Variants in ITGB4 observed in about 807,000 individuals in gnomAD.
ITGB4 encodes integrin subunit beta 4.
A neutral mutation model predicts 207.6 loss-of-function variants in ITGB4; 159 were observed. That is an observed-to-expected ratio of 0.77 (90% CI 0.67 to 0.87). The LOEUF is 0.87. ITGB4 is among the 40% of genes least tolerant of loss of function. The pLI is 0.00. For missense variants in ITGB4, 2,278 were observed against 2,546.8 expected (o/e 0.89, Z 2.27); for synonymous variants, 1,020 against 1,062.7 (o/e 0.96, Z 0.78).
chr17:75,741,351 C>T (rs12450609), intron 23 of ITGB4, among the ~76,000 whole-genome samples: 11,055 of 152,162 alleles, frequency 0.073, 854 homozygotes, highest in East Asian at 0.32. Context: ...GGGTGCACCT[C>T]TGGGGACCAG....
chr17:75,729,877 C>T lies in ITGB4; in HGVS notation c.739-364C>T, dbSNP rs371916563. ...CAAAGAGCTAGCCAAGGCGTGGTGGCTCACACCTGTAATCCCAGCACTTTG... is the reference window on the plus strand; with the variant it reads ...CAAAGAGCTAGCCAAGGCGTGGTGGTTCACACCTGTAATCCCAGCACTTTG... On this transcript the variant is annotated intron_variant, in intron 7 of 39. Transcript: ENST00000200181. This position sits in a 1 kb window ranked among gnomAD's most constrained non-coding sequence, Gnocchi z 4.4. 1.8e-4 allele frequency among the ~76,000 whole-genome samples: 28 copies of T among 152,334 alleles called. No homozygotes were observed. Among genetic ancestry groups the T allele is most frequent in the African/African-American group, 6.7e-4 (28 of 41,568 alleles).
chr17:75,740,170 G>A lies in ITGB4; in HGVS notation c.2446+99G>A. 4 of 1,361,200 alleles carry A rather than the reference G, an allele frequency of 2.9e-6. No homozygotes were observed. The highest frequency in any genetic ancestry group is 3.0e-6 in the Non-Finnish European group (3 of 993,914). 84.3% of individuals were successfully genotyped at this position (1,361,200 alleles called of 1,614,324 possible). ...CATGCCTCTTCTCTGGGTGTGGGGT[G>A]CAGGCACAGGGCTCAGCCACCTTTT... On this transcript the variant is annotated intron_variant, in intron 20 of 39. Transcript: ENST00000200181. The surrounding 1 kb of genome is among the most constrained non-coding windows in gnomAD (Gnocchi z 5.9).
At position 75,753,729 on chromosome 17, in the gene ITGB4, C is replaced by A. The variant is rs753409245; in HGVS notation, c.4109-36C>A. The A allele has an allele frequency of 9.6e-6, 13 of 1,350,238 alleles. No homozygotes were observed. In the African/African-American group the frequency reaches 1.3e-4, roughly 14 times the overall value. 83.6% of individuals were successfully genotyped at this position (1,350,238 alleles called of 1,614,324 possible). On this transcript the variant is annotated intron_variant, in intron 32 of 39. Coordinates refer to ENST00000200181, the MANE Select transcript of ITGB4 (RefSeq NM_000213.5). ...CTGGCCCTGCTCGGCCCGGCGCCCC[C>A]CGGCGGTGCCAACGCGGCCCTTCGT...
Position 75,731,920 on chromosome 17 carries a change from G to GAC in ITGB4, c.1325_1326dup (p.Gly443ThrfsTer56). 1 of 1,614,042 alleles carries GAC rather than the reference G, an allele frequency of 6.2e-7. No homozygotes were observed. Among genetic ancestry groups the GAC allele is most frequent in the Non-Finnish European group, 8.5e-7 (1 of 1,180,022 alleles). On this transcript the variant is annotated frameshift_variant, in exon 11 of 40. Coordinates refer to ENST00000200181, the MANE Select transcript of ITGB4 (RefSeq NM_000213.5). LOFTEE classifies it high-confidence loss of function. This position sits in a 1 kb window ranked among gnomAD's most constrained non-coding sequence, Gnocchi z 6.8. ...CATCCATCTGAAACCTTCCTTCTCC[G>GAC]ACGGCCTCAAGATGGACGCGGGCAT...
Position 75,751,084 on chromosome 17 carries a change from T to G in ITGB4, c.3766T>G (p.Cys1256Gly). The change falls in exon 30 of 40, where the codon TGC becomes GGC. Residue 1256 changes from cysteine to glycine, a missense_variant. By Grantham distance (159) the Cys-to-Gly change is radical (BLOSUM62 -3). Coordinates refer to ENST00000200181, the MANE Select transcript of ITGB4 (RefSeq NM_000213.5). ...TNGEITAYEV[C>G]YGLVNDDNRP... ...CGGTGAGATCACAGCCTACGAGGTC[T>G]GCTATGGCCTGGTCAACGATGACAA... is the stretch of plus-strand genomic sequence containing the variant. 6.2e-7 allele frequency: 1 copy of G among 1,613,866 alleles called. No individual in the cohort carries two copies. The highest frequency in any genetic ancestry group is 8.5e-7 in the Non-Finnish European group (1 of 1,180,036).
In ITGB4 at chr17:75,750,223, C is replaced by A; in HGVS notation, c.3429C>A (p.Ile1143=). ...PNAKAAGSRK[I]HFNWLPPSGK... The stretch of plus-strand genomic sequence containing the variant: ...CTAAGGCCGCTGGGTCCAGGAAGAT[C>A]CATTTCAACTGGCTGCCCCCTTCTG... Residue 1143 remains isoleucine (I), a synonymous_variant, in exon 28 of 40, where the codon ATC becomes ATA. Transcript: ENST00000200181. This position sits in a 1 kb window ranked among gnomAD's most constrained non-coding sequence, Gnocchi z 5.5. 6.2e-7 allele frequency: 1 copy of A among 1,613,780 alleles called. No individual in the cohort carries two copies. Among genetic ancestry groups the A allele is most frequent in the Non-Finnish European group, 8.5e-7 (1 of 1,179,998 alleles).
intron 38 of ITGB4, 44 bp downstream of exon 38, chr17:75,757,151 G>A (rs370027606): frequency 8.8e-4 from 1,411 of 1,612,390 alleles, no homozygotes; most frequent in Non-Finnish European, 1.1e-3. Context: ...TCCTCGGGCC[G>A]TGCCTCCTTC....
chr17:75,755,142 T>A (rs1555744693), intron 34 of ITGB4: 1 of 1,610,818 alleles, frequency 6.2e-7, no homozygotes, highest in Non-Finnish European at 8.5e-7. Context: ...ATGAAAGGGT[T>A]CCCCCCTTCC....
Position 75,742,556 on chromosome 17 carries a change from C to G in ITGB4, c.2783-26C>G, listed in dbSNP as rs752485995. 6.2e-7 allele frequency: 1 copy of G among 1,613,712 alleles called. No homozygotes were observed. The highest frequency in any genetic ancestry group is 8.5e-7 in the Non-Finnish European group (1 of 1,179,962). The stretch of plus-strand genomic sequence containing the variant: ...GCCTGTGTGGCCCTGTGACCCACCT[C>G]TGACCACCTCCGAACCCCCACCCAG... On this transcript the variant is annotated intron_variant, in intron 24 of 39. Coordinates refer to ENST00000200181, the MANE Select transcript of ITGB4 (RefSeq NM_000213.5). The surrounding 1 kb of genome is among the most constrained non-coding windows in gnomAD (Gnocchi z 5.9).
Position 75,740,556 on chromosome 17 carries a change from C to G in ITGB4, c.2550+95C>G. On this transcript the variant is annotated intron_variant, in intron 21 of 39. Coordinates refer to ENST00000200181, the MANE Select transcript of ITGB4 (RefSeq NM_000213.5). This position sits in a 1 kb window ranked among gnomAD's most constrained non-coding sequence, Gnocchi z 5.9. ...CGAATGCGGTCGTGGTACCGAGATTCATTAACTAGGGGAGAGGGGTCTCTC... is the reference window on the plus strand; with the variant it reads ...CGAATGCGGTCGTGGTACCGAGATTGATTAACTAGGGGAGAGGGGTCTCTC... 3 of 1,111,638 alleles carry G rather than the reference C, an allele frequency of 2.7e-6. No individual in the cohort carries two copies. The highest frequency in any genetic ancestry group is 4.1e-6 in the Non-Finnish European group (3 of 739,572). 68.9% of individuals were successfully genotyped at this position (1,111,638 alleles called of 1,614,324 possible).
rs1182445087 is a variant in ITGB4 at position 75,742,365 on chromosome 17, A to T, written c.2658A>T (p.Thr886=). The change falls in exon 24 of 40, where the codon ACA becomes ACT. Residue 886 remains threonine, a synonymous_variant. Transcript: ENST00000200181. This position sits in a 1 kb window ranked among gnomAD's most constrained non-coding sequence, Gnocchi z 5.9. ...GKKQDHTIVD[T]VLMAPRSAKP... ...GGCAAGACCACACCATTGTGGACACAGTGCTGATGGCGCCCCGCTCGGCCA... is the reference window on the plus strand; with the variant it reads ...GGCAAGACCACACCATTGTGGACACTGTGCTGATGGCGCCCCGCTCGGCCA... 2 of 1,613,322 alleles carry T rather than the reference A, an allele frequency of 1.2e-6. No individual in the cohort carries two copies. The highest frequency in any genetic ancestry group is 3.3e-5 in the Admixed American group (2 of 60,004).
chr17:75,755,040 T>G, intron 34 of ITGB4: 2 of 1,590,458 alleles, frequency 1.3e-6, no homozygotes, highest in Non-Finnish European at 1.7e-6. Flanking sequence ...TCACTCTTGT[T>G]TTGTCCTGCC....
chr17:75,728,607 G>A (rs1198914947), intron 6 of ITGB4, 134 bp downstream of exon 6: 13 of 728,814 alleles, frequency 1.8e-5, no homozygotes, highest in Non-Finnish European at 3.1e-5. Flanking sequence ...CCAGCACTTT[G>A]GGAGACCAGG....
chr17:75,752,273 T>C lies in ITGB4; in HGVS notation c.3893T>C (p.Val1298Ala). ...LRESQPYRYTVKARNGAGWGP... is the reference protein window; with the variant it reads ...LRESQPYRYTAKARNGAGWGP... ...GAGTCCCAGCCCTACCGCTACACGG[T>C]GAAGGCGCGCAACGGGGCCGGCTGG... Residue 1298 changes from valine to alanine, a missense_variant, in exon 31 of 40, where the codon GTG becomes GCG. Val to Ala is a moderately conservative substitution (Grantham distance 64). Transcript: ENST00000200181. The C allele has an allele frequency of 1.9e-6, 3 of 1,613,406 alleles. No homozygotes were observed. The highest frequency in any genetic ancestry group is 2.5e-6 in the Non-Finnish European group (3 of 1,180,020).
At chr17:75,743,277 G>A (rs1036137578) in intron 25 of ITGB4, among the ~76,000 whole-genome samples, 1 of 152,114 alleles carries the variant, frequency 6.6e-6, no homozygotes, top group South Asian at 2.1e-4. Context: ...CTGCCACCCA[G>A]GCTGGAGTGC....
At chr17:75,733,781 G>A in intron 13 of ITGB4, 89 bp downstream of exon 13, 10 of 1,392,676 alleles carry the variant, frequency 7.2e-6, no homozygotes, top group Non-Finnish European at 9.9e-6. Context: ...GGTTGGGAGA[G>A]CCAGACTTGG....
chr17:75,724,590 T>C (rs2148451372), intron 1 of ITGB4, 104 bp from the exon 2 acceptor site: 3 of 922,986 alleles, frequency 3.3e-6, no homozygotes, highest in Non-Finnish European at 5.4e-6. Context: ...GGTCACATTG[T>C]TGGTGCTCAG....
At position 75,740,574 on chromosome 17, in the gene ITGB4, G is replaced by A; in HGVS notation, c.2550+113G>A. On this transcript the variant is annotated intron_variant, in intron 21 of 39. Transcript: ENST00000200181. This position sits in a 1 kb window ranked among gnomAD's most constrained non-coding sequence, Gnocchi z 5.9. ...CGAGATTCATTAACTAGGGGAGAGG[G>A]GTCTCTCTGGACCTGTGCCTGGCAG... 1 of 1,015,526 alleles carries A rather than the reference G, an allele frequency of 9.8e-7. No individual in the cohort carries two copies. Among genetic ancestry groups the A allele is most frequent in the Non-Finnish European group, 1.5e-6 (1 of 657,738 alleles). 62.9% of individuals were successfully genotyped at this position (1,015,526 alleles called of 1,614,324 possible).
chr17:75,745,886 G>T (rs929747749), intron 26 of ITGB4, among the ~76,000 whole-genome samples: 44 of 149,178 alleles, frequency 2.9e-4, no homozygotes, highest in African/African-American at 1.0e-3. Flanking sequence ...CTCGAAAAAA[G>T]AAAAAAAAAA....
Sources: gnomAD v4.1 joint callset for allele counts (sites outside exome capture counted in the v4.1 genomes callset) on GRCh38, gnomAD v4.1.1 for gene constraint, Gnocchi (gnomAD v3.1) non-coding constraint, MANE v1.5 for transcripts, NCBI Gene and HGNC (gene_info 2026-07-23, HGNC 2026-07-21) for gene names.